The following CDK14 variants were observed in gnomAD, a reference collection of about 807,000 sequenced individuals.
The protein encoded by CDK14 is cyclin dependent kinase 14.
Under a neutral mutation model 60.7 loss-of-function variants are expected in CDK14, and 34 were observed. That is an observed-to-expected ratio of 0.56 (90% confidence interval 0.43 to 0.75). The LOEUF (loss-of-function observed/expected upper bound fraction) is 0.75. Among genes scored for constraint, CDK14 ranks in the 30% least tolerant of loss-of-function variants. CDK14 has a pLI of 0.00. For missense variants in CDK14, 482 were observed against 564.1 expected (o/e 0.85, Z 1.47); for synonymous variants, 197 against 203.7 (o/e 0.97, Z 0.28).
intron 3 of CDK14, among the ~76,000 whole-genome samples, chr7:90,738,183 GA>G (rs1286267343): frequency 6.6e-6 from 1 of 152,130 alleles, no homozygotes; most frequent in Non-Finnish European, 1.5e-5. Context: ...ATCTTGGCTT[GA>G]ATTCTAGTTC....
chr7:91,171,332 A>G (rs1801511996), intron 14 of CDK14, among the ~76,000 whole-genome samples: 1 of 152,104 alleles, frequency 6.6e-6, no homozygotes, highest in African/African-American at 2.4e-5. Flanking sequence ...CCTGGGTGAC[A>G]GGGCAACACT....
rs1403301311 is a variant in CDK14, at chr7:90,686,675, C to A, written c.124-39892C>A. Among the ~76,000 whole-genome samples the A allele has an allele frequency of 3.3e-5, 5 of 152,084 alleles. No individual in the cohort carries two copies. The East Asian group carries it at 9.6e-4, about 29-fold the overall frequency. On this transcript the variant is annotated intron_variant, in intron 2 of 14. Transcript: ENST00000380050. ...TCAACTAAATGAATTAACCAGAAAG[C>A]ATAATATAGAGTGCATAAGATGAAA... is the stretch of plus-strand genomic sequence containing the variant.
intron 14 of CDK14, among the ~76,000 whole-genome samples, chr7:91,126,036 A>G (rs1454764897): frequency 6.6e-6 from 1 of 152,214 alleles, no homozygotes; most frequent in Non-Finnish European, 1.5e-5. Context: ...ATACAATGGT[A>G]TAATGATAAC....
chr7:91,017,388 C>T (rs1358218102), intron 10 of CDK14, among the ~76,000 whole-genome samples: 1 of 152,190 alleles, frequency 6.6e-6, no homozygotes, highest in Non-Finnish European at 1.5e-5. Context: ...CCTATGCTAA[C>T]AGACTCACTT....
intron 4 of CDK14, among the ~76,000 whole-genome samples, chr7:90,750,815 G>A (rs1758599851): frequency 6.6e-6 from 1 of 151,974 alleles, no homozygotes; most frequent in Admixed American, 6.5e-5. Flanking sequence ...GGAGGTTGCA[G>A]TGAGCTGAGA....
chr7:91,179,778 G>T (rs1801933544), intron 14 of CDK14, among the ~76,000 whole-genome samples: 1 of 151,966 alleles, frequency 6.6e-6, no homozygotes, highest in South Asian at 2.1e-4. Context: ...ACTCCAGCCT[G>T]GGCGACAGAG....
intron 3 of CDK14, among the ~76,000 whole-genome samples, chr7:90,742,110 T>G (rs1273806265): frequency 6.6e-6 from 1 of 152,058 alleles, no homozygotes. Context: ...TTTAATTAGT[T>G]AGTTAATTTT....
chr7:91,127,642 T>G (rs1055279434), intron 14 of CDK14, among the ~76,000 whole-genome samples: 1 of 152,166 alleles, frequency 6.6e-6, no homozygotes, highest in African/African-American at 2.4e-5. Flanking sequence ...TGTGTCCTAT[T>G]TTGGTACAAT....
chr7:91,025,209 A>G (rs1298661736), intron 10 of CDK14, among the ~76,000 whole-genome samples: 3 of 152,172 alleles, frequency 2.0e-5, no homozygotes, highest in Admixed American at 6.5e-5. Context: ...TGAATGCACC[A>G]TAACAAAACT....
intron 2 of CDK14, among the ~76,000 whole-genome samples, chr7:90,693,672 A>G (rs1001513248): frequency 2.0e-5 from 3 of 152,104 alleles, no homozygotes; most frequent in African/African-American, 4.8e-5. Context: ...CTGTGCTCCT[A>G]AGTCCCAGCG....
chr7:91,033,830 G>C (rs1489626431), intron 10 of CDK14, among the ~76,000 whole-genome samples: 2 of 152,206 alleles, frequency 1.3e-5, no homozygotes, highest in Non-Finnish European at 2.9e-5. Context: ...TGAGTCTGAA[G>C]CTGTGTCACA....
At chr7:90,727,236 G>T (rs890696945) in intron 3 of CDK14, among the ~76,000 whole-genome samples, 2 of 151,724 alleles carry the variant, frequency 1.3e-5, no homozygotes, top group African/African-American at 4.8e-5. Context: ...AGTTTTTTTT[G>T]GGGGGGTACT....
At chr7:90,961,460 T>A (rs1313870723) in intron 9 of CDK14, among the ~76,000 whole-genome samples, 2 of 152,234 alleles carry the variant, frequency 1.3e-5, no homozygotes, top group Non-Finnish European at 2.9e-5. Context: ...TAGCCATTAC[T>A]CATTTATTAC....
chr7:90,730,958 G>A (rs962772458), intron 3 of CDK14, among the ~76,000 whole-genome samples: 12 of 152,108 alleles, frequency 7.9e-5, no homozygotes, highest in African/African-American at 2.4e-4. Context: ...TATTGCCAAC[G>A]TTTTCTTCTA....
intron 1 of CDK14, among the ~76,000 whole-genome samples, chr7:90,601,209 C>T (rs1799307273): frequency 2.0e-5 from 3 of 152,224 alleles, no homozygotes; most frequent in African/African-American, 7.2e-5. Context: ...ATGCTTGTTA[C>T]TCCATGAAAT....
intron 2 of CDK14, among the ~76,000 whole-genome samples, chr7:90,642,367 A>G (rs2116446203): frequency 6.6e-6 from 1 of 152,274 alleles, no homozygotes. Flanking sequence ...TCAGTAAGTT[A>G]ATGTGGGATA....
At chr7:90,816,892 A>G (rs1281870851) in intron 5 of CDK14, among the ~76,000 whole-genome samples, 2 of 152,198 alleles carry the variant, frequency 1.3e-5, no homozygotes, top group South Asian at 2.1e-4. Context: ...CAAGAGAACA[A>G]GTGAGTCCTA....
intron 6 of CDK14, among the ~76,000 whole-genome samples, chr7:90,892,335 C>T (rs1471274316): frequency 6.6e-6 from 1 of 152,164 alleles, no homozygotes; most frequent in African/African-American, 2.4e-5. Flanking sequence ...ACATTATATA[C>T]GTAATTAATC....
At chr7:90,613,788 C>T (rs900731398) in intron 2 of CDK14, among the ~76,000 whole-genome samples, 2 of 152,146 alleles carry the variant, frequency 1.3e-5, no homozygotes, top group Non-Finnish European at 2.9e-5. Context: ...AAAATGGGCT[C>T]AGCTGCAGTA....
Sources: gnomAD v4.1 joint callset for allele counts (sites outside exome capture counted in the v4.1 genomes callset) on GRCh38, gnomAD v4.1.1 for gene constraint, MANE v1.5 for transcripts, NCBI Gene and HGNC (gene_info 2026-07-23, HGNC 2026-07-21) for gene names.